Variants in ARHGAP24 observed in about 807,000 individuals in gnomAD.
ARHGAP24 encodes Rho GTPase activating protein 24.
Under a neutral mutation model 76.4 loss-of-function variants are expected in ARHGAP24, and 50 were observed. The ratio of observed to expected loss-of-function variants is 0.65; its 90% CI spans 0.52 to 0.83. The LOEUF is 0.83. Among genes scored for constraint, ARHGAP24 ranks in the 40% least tolerant of loss-of-function variants. The pLI, the probability that ARHGAP24 is intolerant of heterozygous loss-of-function variation, is 0.00. For missense variants in ARHGAP24, 930 were observed against 914.2 expected, an observed-to-expected ratio of 1.02 and a Z score of -0.22; for synonymous variants, 345 against 323.3, an observed-to-expected ratio of 1.07 and a Z score of -0.72.
intron 3 of ARHGAP24, among the ~76,000 whole-genome samples, chr4:85,851,602 A>G (rs547275444): frequency 3.9e-4 from 60 of 152,094 alleles, no homozygotes; most frequent in Admixed American, 7.2e-4. Context: ...GTTCCTTTCC[A>G]TGTTTAATGC....
chr4:85,506,356 G>A (rs1724046918), intron 1 of ARHGAP24, among the ~76,000 whole-genome samples: 1 of 152,248 alleles, frequency 6.6e-6, no homozygotes, highest in African/African-American at 2.4e-5. Flanking sequence ...CAGAGGTGGA[G>A]TCTATAGAGG....
chr4:85,555,334 G>A lies in ARHGAP24; in HGVS notation c.-20-15188G>A, dbSNP rs1291402744. On this transcript the variant is annotated intron_variant, in intron 1 of 9. Transcript: ENST00000395184. ...ACTTCTTTTCAGGATGTTTTTGGAG[G>A]GTTGAGGCTTTGTGCAGGAACTTTA... Among the ~76,000 whole-genome samples, 13 of 152,278 alleles carry A rather than the reference G, an allele frequency of 8.5e-5. No individual in the cohort carries two copies. In the East Asian group the frequency reaches 9.7e-4, roughly 11 times the overall value.
At chr4:85,552,179 T>G (rs188131387) in intron 1 of ARHGAP24, among the ~76,000 whole-genome samples, 36 of 152,294 alleles carry the variant, frequency 2.4e-4, no homozygotes, top group African/African-American at 7.9e-4. Flanking sequence ...ACTTTCCTCT[T>G]AACACTGCTT....
chr4:85,560,315 G>C (rs770984205), intron 1 of ARHGAP24, among the ~76,000 whole-genome samples: 10 of 151,928 alleles, frequency 6.6e-5, no homozygotes, highest in Non-Finnish European at 1.0e-4. Flanking sequence ...GCCATCTTAA[G>C]AGGGAAAAGA....
At chr4:85,738,848 T>A (rs1578186147) in intron 3 of ARHGAP24, among the ~76,000 whole-genome samples, 1 of 152,216 alleles carries the variant, frequency 6.6e-6, no homozygotes, top group East Asian at 1.9e-4. Flanking sequence ...ATCATTTTCA[T>A]TTTTTAAAGG....
chr4:85,533,647 C>G (rs999406634), intron 1 of ARHGAP24, among the ~76,000 whole-genome samples: 10 of 152,136 alleles, frequency 6.6e-5, no homozygotes, highest in Non-Finnish European at 1.3e-4. Context: ...TTATAGGGTA[C>G]TCTTTATATA....
intron 1 of ARHGAP24, among the ~76,000 whole-genome samples, chr4:85,507,430 T>A (rs1724107535): frequency 6.6e-6 from 1 of 152,208 alleles, no homozygotes; most frequent in African/African-American, 2.4e-5. Context: ...TGATTCTGTT[T>A]GTTTCATCTT....
chr4:85,928,815 C>G (rs897648526), intron 4 of ARHGAP24, among the ~76,000 whole-genome samples: 2 of 152,154 alleles, frequency 1.3e-5, no homozygotes, highest in East Asian at 1.9e-4. Context: ...CTGCCAAAAT[C>G]AGGTCTTTCC....
intron 3 of ARHGAP24, among the ~76,000 whole-genome samples, chr4:85,768,552 C>T (rs1299611828): frequency 1.3e-5 from 2 of 152,126 alleles, no homozygotes; most frequent in Admixed American, 6.5e-5. Flanking sequence ...GCCTGACCAA[C>T]ATGGTGAAAC....
chr4:85,485,754 T>TTTTA (rs1723026582), intron 1 of ARHGAP24, among the ~76,000 whole-genome samples: 1 of 151,598 alleles, frequency 6.6e-6, no homozygotes, highest in African/African-American at 2.4e-5. Flanking sequence ...TTTTTTTTTT[T>TTTTA]GAGACAGTCT....
intron 2 of ARHGAP24, among the ~76,000 whole-genome samples, chr4:85,633,606 A>T (rs1296540328): frequency 6.6e-6 from 1 of 151,948 alleles, no homozygotes; most frequent in African/African-American, 2.4e-5. Context: ...ATTTACAATC[A>T]TGAAATATCT....
chr4:85,555,471 A>C (rs1193758620), intron 1 of ARHGAP24, among the ~76,000 whole-genome samples: 1 of 152,220 alleles, frequency 6.6e-6, no homozygotes, highest in African/African-American at 2.4e-5. Context: ...GTGGTGCTTA[A>C]GCATAATGAC....
At chr4:85,930,538 T>A (rs1471418720) in intron 4 of ARHGAP24, 3 of 1,018,396 alleles carry the variant, frequency 2.9e-6, no homozygotes, top group Non-Finnish European at 3.5e-6. Context: ...TCCAGAGGAA[T>A]CTCAGTCCAG....
chr4:85,529,323 A>G lies in ARHGAP24; in HGVS notation c.-20-41199A>G, dbSNP rs113572210. Among the ~76,000 whole-genome samples, 1,479 of 152,124 alleles carry G rather than the reference A, an allele frequency of 9.7e-3. 14 individuals are homozygous for G. The highest frequency in any genetic ancestry group is 0.019 in the East Asian group (96 of 5,170). ...TTAAATAAAGCACCTGTTCTTTATAAATCAATTTTGCTAAATTTTGGACTA... is the reference window on the plus strand; with the variant it reads ...TTAAATAAAGCACCTGTTCTTTATAGATCAATTTTGCTAAATTTTGGACTA... On this transcript the variant is annotated intron_variant, in intron 1 of 9. Transcript: ENST00000395184.
chr4:85,662,715 C>T (rs969602498), intron 2 of ARHGAP24, among the ~76,000 whole-genome samples: 1 of 152,076 alleles, frequency 6.6e-6, no homozygotes, highest in Non-Finnish European at 1.5e-5. Flanking sequence ...GGAAGGGATC[C>T]AGTTTCAGCT....
intron 7 of ARHGAP24, among the ~76,000 whole-genome samples, chr4:85,976,632 T>A (rs1371767982): frequency 6.6e-6 from 1 of 152,186 alleles, no homozygotes; most frequent in African/African-American, 2.4e-5. Context: ...AGGTAGGGAA[T>A]GAAGGAATGC....
rs577837501 is a variant in ARHGAP24 at position 85,898,654 on chromosome 4, T to C, written c.269-24994T>C. Among the ~76,000 whole-genome samples the C allele has an allele frequency of 4.6e-5, 7 of 152,356 alleles. No individual in the cohort carries two copies. In the South Asian group the frequency reaches 1.5e-3, roughly 32 times the overall value. ...AATAGCTGGCAGCATTGGGATTTTG[T>C]TGGTTTGCCACTTCTCTTAAGAAAA... On this transcript the variant is annotated intron_variant, in intron 3 of 9. Transcript: ENST00000395184.
intron 3 of ARHGAP24, among the ~76,000 whole-genome samples, chr4:85,743,265 G>T (rs2110061644): frequency 6.6e-6 from 1 of 151,706 alleles, no homozygotes; most frequent in Non-Finnish European, 1.5e-5. Context: ...TGGGACCTCG[G>T]AGGTGAAACT....
chr4:85,776,576 A>C (rs1320690859), intron 3 of ARHGAP24, among the ~76,000 whole-genome samples: 1 of 152,170 alleles, frequency 6.6e-6, no homozygotes, highest in Non-Finnish European at 1.5e-5. Context: ...AGTAGGTTTG[A>C]AGGCCAATTT....
Sources: gnomAD v4.1 joint callset for allele counts (sites outside exome capture counted in the v4.1 genomes callset) on GRCh38, gnomAD v4.1.1 for gene constraint, MANE v1.5 for transcripts, NCBI Gene and HGNC (gene_info 2026-07-23, HGNC 2026-07-21) for gene names.